The following GASK1A variants were observed in gnomAD, a reference collection of about 807,000 sequenced individuals.
GASK1A encodes Golgi-associated kinase 1A.
In GASK1A, 40 loss-of-function variants were observed where a neutral mutation model predicts 41.2. The observed-to-expected ratio is 0.97, with a 90% CI of 0.75 to 1.27. The LOEUF is 1.27. Among genes scored for constraint, GASK1A ranks in the 50% most tolerant of loss-of-function variants. The pLI is 0.00. For synonymous variants in GASK1A, 316 were observed against 307.1 expected, an observed-to-expected ratio of 1.03 and a Z score of -0.30; for missense variants, 678 against 745.1, an observed-to-expected ratio of 0.91 and a Z score of 1.05.
chr3:43,044,243 C>G lies in GASK1A; in HGVS notation c.1291-9278C>G, dbSNP rs146896355. Among the ~76,000 whole-genome samples the G allele has an allele frequency of 2.7e-3, 409 of 152,268 alleles. 1 individual carries two copies. The highest frequency in any genetic ancestry group is 9.2e-3 in the African/African-American group (384 of 41,558). ...TGCCCTGACATTTGCTGTCCTGGCC[C>G]AAGAGAATTCAGCTGGTGAGTTTCT... is the stretch of plus-strand genomic sequence containing the variant. On this transcript the variant is annotated intron_variant, in intron 2 of 4. Transcript: ENST00000430121.
At chr3:43,028,567 T>G (rs2089558157) in intron 1 of GASK1A, among the ~76,000 whole-genome samples, 1 of 152,022 alleles carries the variant, frequency 6.6e-6, no homozygotes, top group South Asian at 2.1e-4. Context: ...TGTGTGTGGG[T>G]GGGGGTGGCA....
intron 1 of GASK1A, among the ~76,000 whole-genome samples, chr3:43,019,686 CGG>C (rs1158639853): frequency 6.6e-6 from 1 of 151,818 alleles, no homozygotes; most frequent in Non-Finnish European, 1.5e-5. Flanking sequence ...GGGCAAAGGT[CGG>C]GGAACAGAAA....
chr3:43,038,143 G>A (rs1281392256), intron 2 of GASK1A, among the ~76,000 whole-genome samples: 1 of 152,146 alleles, frequency 6.6e-6, no homozygotes. Flanking sequence ...AACACAATGT[G>A]TTCTGAAACT....
rs2089580742 is a variant in GASK1A at position 43,032,411 on chromosome 3, CAG to C, written c.149_150del (p.Gln50ArgfsTer43). ...AGPDPGPMEP[Q>X]GVTGAPATHI... ...CCCAGACCCTGGTCCCATGGAGCCT[CAG>C]GGGGTAACTGGCGCCCCTGCAACCC... is the stretch of plus-strand genomic sequence containing the variant. On this transcript the variant is annotated frameshift_variant, in exon 2 of 5. Coordinates refer to ENST00000430121, the MANE Select transcript of GASK1A (RefSeq NM_001129908.3). LOFTEE classifies it high-confidence loss of function. 4 of 1,551,466 alleles carry C rather than the reference CAG, an allele frequency of 2.6e-6. No individual in the cohort carries two copies. Among genetic ancestry groups the C allele is most frequent in the African/African-American group, 1.4e-5 (1 of 73,182 alleles).
intron 1 of GASK1A, among the ~76,000 whole-genome samples, chr3:42,980,212 C>A (rs951550587): frequency 1.3e-5 from 2 of 152,174 alleles, no homozygotes; most frequent in Non-Finnish European, 2.9e-5. Context: ...GATGTGGAAG[C>A]ACTGGTGGGT....
At chr3:43,040,235 T>C (rs2125689092) in intron 2 of GASK1A, among the ~76,000 whole-genome samples, 1 of 151,832 alleles carries the variant, frequency 6.6e-6, no homozygotes. Flanking sequence ...GTGACATTTG[T>C]TGAATAATCA....
chr3:43,030,078 C>T (rs2089566875), intron 1 of GASK1A, among the ~76,000 whole-genome samples: 1 of 152,198 alleles, frequency 6.6e-6, no homozygotes, highest in Non-Finnish European at 1.5e-5. Context: ...CTCACTGCAA[C>T]CTCCACCTCC....
intron 1 of GASK1A, among the ~76,000 whole-genome samples, chr3:42,996,356 A>G (rs1196805900): frequency 6.6e-6 from 1 of 152,156 alleles, no homozygotes; most frequent in East Asian, 1.9e-4. Context: ...TGTTTAGTAG[A>G]GTGATTTTAT....
At chr3:43,051,090 T>C (rs1234648022) in intron 2 of GASK1A, among the ~76,000 whole-genome samples, 1 of 152,242 alleles carries the variant, frequency 6.6e-6, no homozygotes, top group Admixed American at 6.5e-5. Context: ...TATTTTTTTG[T>C]TGAAAACTGA....
chr3:43,046,594 C>T (rs2089663813), intron 2 of GASK1A, among the ~76,000 whole-genome samples: 1 of 152,160 alleles, frequency 6.6e-6, no homozygotes, highest in Non-Finnish European at 1.5e-5. Flanking sequence ...AAATGAAAAA[C>T]CCATTTTCTG....
intron 1 of GASK1A, among the ~76,000 whole-genome samples, chr3:43,007,772 G>T (rs1411194202): frequency 6.6e-6 from 1 of 152,208 alleles, no homozygotes; most frequent in Non-Finnish European, 1.5e-5. Flanking sequence ...GAGAATAGCA[G>T]GTGCTTAGTC....
At chr3:43,037,087 C>A in intron 2 of GASK1A, 1 of 633,948 alleles carries the variant, frequency 1.6e-6, no homozygotes, top group South Asian at 2.3e-5. Context: ...GGGTGCTGAC[C>A]CTGCGATTGC....
rs1039874533 is a variant in GASK1A at position 43,053,574 on chromosome 3, C to T, written c.1344C>T (p.Asp448=). 1 of 1,551,694 alleles carries T rather than the reference C, an allele frequency of 6.4e-7. No homozygotes were observed. Among genetic ancestry groups the T allele is most frequent in the Non-Finnish European group, 8.7e-7 (1 of 1,146,978 alleles). The change falls in exon 3 of 5, where the codon GAC becomes GAT. Residue 448 remains aspartate, a synonymous_variant. Coordinates refer to ENST00000430121, the MANE Select transcript of GASK1A (RefSeq NM_001129908.3). ...GTGGCTTCGAGCCTGAGCCCTCAGA[C>T]CCCTGTGTGGAAGAGAGGCTCCGAG... ...YCCGFEPEPS[D]PCVEERLREK... is the part of the protein sequence containing the mutation.
intron 2 of GASK1A, 64 bp from the exon 3 acceptor site, chr3:43,053,457 C>T: frequency 6.8e-7 from 1 of 1,475,856 alleles, no homozygotes; most frequent in Non-Finnish European, 9.0e-7. Flanking sequence ...AGGTGGCCTC[C>T]ATGCTATGCC....
At chr3:42,979,867 A>G (rs927474535) in intron 1 of GASK1A, among the ~76,000 whole-genome samples, 3 of 152,006 alleles carry the variant, frequency 2.0e-5, no homozygotes, top group African/African-American at 7.2e-5. Flanking sequence ...GGACCGTAAT[A>G]AGGGGGCTTT....
At chr3:43,055,612 A>G (rs148567937) in intron 4 of GASK1A, 77 bp downstream of exon 4, 23 of 1,055,224 alleles carry the variant, frequency 2.2e-5, no homozygotes, top group South Asian at 6.9e-5. Flanking sequence ...GGGACCTTCA[A>G]CTGTGGCCCT....
At chr3:43,006,190 C>G (rs1473542467) in intron 1 of GASK1A, among the ~76,000 whole-genome samples, 1 of 152,166 alleles carries the variant, frequency 6.6e-6, no homozygotes, top group African/African-American at 2.4e-5. Context: ...TTGACCTGCT[C>G]CTTCTGAGCT....
intron 1 of GASK1A, among the ~76,000 whole-genome samples, chr3:43,015,527 G>A (rs1355262042): frequency 1.3e-5 from 2 of 149,844 alleles, no homozygotes; most frequent in East Asian, 4.0e-4. Flanking sequence ...GGAAGGTACA[G>A]TGTGAAGTCA....
Position 43,056,640 on chromosome 3 carries a change from A to G in GASK1A, c.*254A>G. 1 of 391,212 alleles carries G rather than the reference A, an allele frequency of 2.6e-6. No individual in the cohort carries two copies. Among genetic ancestry groups the G allele is most frequent in the Non-Finnish European group, 4.7e-6 (1 of 213,280 alleles). 24.2% of individuals were successfully genotyped at this position (391,212 alleles called of 1,614,324 possible). On this transcript the variant is annotated 3_prime_UTR_variant, in exon 5 of 5. Transcript: ENST00000430121. ...TTCGAAAATGTTCTGTGAGCTGCTC[A>G]AGAAACTGTAAAAATGTGTGATGCA...
Sources: gnomAD v4.1 joint callset for allele counts (sites outside exome capture counted in the v4.1 genomes callset) on GRCh38, gnomAD v4.1.1 for gene constraint, MANE v1.5 for transcripts, NCBI Gene and HGNC (gene_info 2026-07-23, HGNC 2026-07-21) for gene names.